KCNJ3: variants seen among roughly 807,000 people sequenced by gnomAD.
The protein encoded by KCNJ3 is potassium inwardly rectifying channel subfamily J member 3.
Under a neutral mutation model 39.2 loss-of-function variants are expected in KCNJ3, and 4 were observed. The ratio of observed to expected loss-of-function variants is 0.10; its 90% CI spans 0.05 to 0.23. The LOEUF (loss-of-function observed/expected upper bound fraction) is 0.23, where lower values mean the gene tolerates loss of function less well. Ranked by LOEUF, KCNJ3 falls within the 10% of genes least tolerant of loss-of-function variation. The pLI is 1.00. For missense variants in KCNJ3, 276 were observed against 634.9 expected (o/e 0.43, Z 6.08); for synonymous variants, 230 against 237.4 (o/e 0.97, Z 0.29).
At chr2:154,777,042 GCA>G (rs34640641) in intron 2 of KCNJ3, among the ~76,000 whole-genome samples, 22 of 150,176 alleles carry the variant, frequency 1.5e-4, no homozygotes, top group Admixed American at 4.0e-4. Context: ...ACGTACACAC[GCA>G]CACACACACA....
At chr2:154,780,640 G>T (rs973443356) in intron 2 of KCNJ3, among the ~76,000 whole-genome samples, 1 of 152,076 alleles carries the variant, frequency 6.6e-6, no homozygotes, top group African/African-American at 2.4e-5. Context: ...GTTCCAGCTC[G>T]CACGGTCTCT....
intron 2 of KCNJ3, among the ~76,000 whole-genome samples, chr2:154,786,370 G>T (rs1686529997): frequency 1.3e-5 from 2 of 152,058 alleles, no homozygotes; most frequent in African/African-American, 4.8e-5. Flanking sequence ...ATATTTTCTG[G>T]AAAAATAAAT....
intron 1 of KCNJ3, among the ~76,000 whole-genome samples, chr2:154,708,039 C>T (rs970566208): frequency 3.9e-5 from 6 of 152,126 alleles, no homozygotes; most frequent in Non-Finnish European, 4.4e-5. Flanking sequence ...GTTGCTAGAG[C>T]TGCTGTTTTA....
At chr2:154,814,516 A>G (rs1687052183) in intron 2 of KCNJ3, among the ~76,000 whole-genome samples, 1 of 152,122 alleles carries the variant, frequency 6.6e-6, no homozygotes, top group African/African-American at 2.4e-5. Context: ...AGGAGCCTGT[A>G]ATCCCAGCTA....
intron 2 of KCNJ3, among the ~76,000 whole-genome samples, chr2:154,771,050 C>T (rs533835769): frequency 4.6e-5 from 7 of 151,878 alleles, no homozygotes; most frequent in Admixed American, 2.0e-4. Context: ...CCACCATGCC[C>T]GGCTAATTTT....
Position 154,854,935 on chromosome 2 carries a change from A to C in KCNJ3, c.1128A>C (p.Ile376=). ...CGTCCCCTTTAATAGCACCAGCCAT[A>C]ACTAACAGCAAAGAAAGACATAATT... ...LMSSPLIAPA[I]TNSKERHNSV... The change falls in exon 3 of 3, where the codon ATA becomes ATC. Residue 376 remains isoleucine (I), a synonymous_variant. Transcript: ENST00000295101. The C allele has an allele frequency of 6.2e-7, 1 of 1,614,016 alleles. No homozygotes were observed. Among genetic ancestry groups the C allele is most frequent in the Non-Finnish European group, 8.5e-7 (1 of 1,179,928 alleles).
chr2:154,743,299 G>A (rs985143970), intron 2 of KCNJ3, among the ~76,000 whole-genome samples: 2 of 151,704 alleles, frequency 1.3e-5, no homozygotes, highest in African/African-American at 2.4e-5. Flanking sequence ...CAGGAAATAT[G>A]AGTCTTCCAT....
intron 2 of KCNJ3, among the ~76,000 whole-genome samples, chr2:154,715,235 A>G (rs1685161849): frequency 1.3e-5 from 2 of 152,204 alleles, no homozygotes; most frequent in Admixed American, 1.3e-4. Flanking sequence ...GTTTGCATAC[A>G]GATAGCAAAA....
rs544750520 is a variant in KCNJ3, at chr2:154,850,777, G to A, written c.920-3950G>A. ...TAACATAGTGTTAACATTGATTTTA[G>A]CCATTCTGCTTGCTGCAAGCCTTTT... On this transcript the variant is annotated intron_variant, in intron 2 of 2. Coordinates refer to ENST00000295101, the MANE Select transcript of KCNJ3 (RefSeq NM_002239.4). 6.6e-5 allele frequency among the ~76,000 whole-genome samples: 10 copies of A among 152,186 alleles called. No homozygotes were observed. The South Asian group carries it at 2.1e-3, about 32-fold the overall frequency.
intron 2 of KCNJ3, among the ~76,000 whole-genome samples, chr2:154,816,316 T>C (rs939597344): frequency 2.0e-5 from 3 of 152,194 alleles, no homozygotes; most frequent in African/African-American, 7.2e-5. Context: ...CATTTAAAAA[T>C]AGCTTCTACA....
intron 2 of KCNJ3, among the ~76,000 whole-genome samples, chr2:154,831,543 A>G (rs2105119855): frequency 6.6e-6 from 1 of 152,278 alleles, no homozygotes; most frequent in East Asian, 1.9e-4. Flanking sequence ...GGGGGAGATG[A>G]TACCAGGTTA....
At chr2:154,772,010 A>G (rs1489466755) in intron 2 of KCNJ3, among the ~76,000 whole-genome samples, 11 of 152,172 alleles carry the variant, frequency 7.2e-5, no homozygotes, top group Non-Finnish European at 1.3e-4. Flanking sequence ...GAAACCACCC[A>G]AGGTTGAGGA....
intron 1 of KCNJ3, among the ~76,000 whole-genome samples, chr2:154,705,911 A>G (rs1440290633): frequency 6.6e-6 from 1 of 152,136 alleles, no homozygotes; most frequent in Non-Finnish European, 1.5e-5. Context: ...AGATTCTATA[A>G]AATTGAAAGT....
In KCNJ3 at chr2:154,857,374, C is replaced by T. The variant is rs766433209; in HGVS notation, c.*2061C>T. The T allele has an allele frequency of 6.6e-5, 10 of 152,002 alleles. No homozygotes were observed. Among genetic ancestry groups the T allele is most frequent in the South Asian group, 2.1e-4 (1 of 4,818 alleles). The allele number at this position is 152,002 out of a possible 1,614,324, so 9.4% of individuals were successfully genotyped here. On this transcript the variant is annotated 3_prime_UTR_variant, in exon 3 of 3. Transcript: ENST00000295101. The stretch of plus-strand genomic sequence containing the variant: ...TTTGTCTTTGGTACCAAGGAGAAGA[C>T]GGAACCAAAAACAAACTCTCCAAGT...
intron 2 of KCNJ3, among the ~76,000 whole-genome samples, chr2:154,837,089 A>G (rs900008028): frequency 1.3e-5 from 2 of 152,208 alleles, no homozygotes; most frequent in African/African-American, 4.8e-5. Context: ...GTGTATCAAA[A>G]TGTCCAATTC....
intron 2 of KCNJ3, among the ~76,000 whole-genome samples, chr2:154,734,181 C>T (rs1419037698): frequency 6.6e-6 from 1 of 152,080 alleles, no homozygotes; most frequent in African/African-American, 2.4e-5. Flanking sequence ...GCTGAAGATA[C>T]CTGAGAAGAC....
intron 2 of KCNJ3, among the ~76,000 whole-genome samples, chr2:154,850,152 A>G (rs1326940821): frequency 6.7e-6 from 1 of 149,650 alleles, no homozygotes; most frequent in African/African-American, 2.5e-5. Flanking sequence ...TTTTCACCAC[A>G]TTTGTTCAAG....
At chr2:154,819,739 C>A (rs1687139139) in intron 2 of KCNJ3, among the ~76,000 whole-genome samples, 1 of 151,884 alleles carries the variant, frequency 6.6e-6, no homozygotes, top group Non-Finnish European at 1.5e-5. Context: ...CCCTGTTGGC[C>A]AGGATGCTCT....
chr2:154,726,230 T>C (rs1338696660), intron 2 of KCNJ3, among the ~76,000 whole-genome samples: 2 of 152,066 alleles, frequency 1.3e-5, no homozygotes, highest in East Asian at 3.9e-4. Context: ...AAAGGACTAA[T>C]ATCCAGAATT....
Sources: gnomAD v4.1 joint callset for allele counts (sites outside exome capture counted in the v4.1 genomes callset) on GRCh38, gnomAD v4.1.1 for gene constraint, MANE v1.5 for transcripts, NCBI Gene and HGNC (gene_info 2026-07-23, HGNC 2026-07-21) for gene names.